POU6F2: variants seen among roughly 807,000 people sequenced by gnomAD.
The protein encoded by POU6F2 is POU class 6 homeobox 2.
A neutral mutation model predicts 71.3 loss-of-function variants in POU6F2; 31 were observed. The ratio of observed to expected loss-of-function variants is 0.43; its 90% CI spans 0.33 to 0.59. The LOEUF (loss-of-function observed/expected upper bound fraction) is 0.59, where lower values mean the gene tolerates loss of function less well. Among genes scored for constraint, POU6F2 ranks in the 20% least tolerant of loss-of-function variants. The pLI, the probability that POU6F2 is intolerant of heterozygous loss-of-function variation, is 0.04. For synonymous variants in POU6F2, 347 were observed against 355.7 expected (o/e 0.98, Z 0.27); for missense variants, 783 against 856.8 (o/e 0.91, Z 1.07).
At chr7:39,165,031 G>A (rs1237198915) in intron 2 of POU6F2, among the ~76,000 whole-genome samples, 1 of 152,010 alleles carries the variant, frequency 6.6e-6, no homozygotes, top group South Asian at 2.1e-4. Context: ...TTATGCAAAG[G>A]GTTTGTATTT....
At chr7:39,113,414 A>C (rs1397345152) in intron 2 of POU6F2, among the ~76,000 whole-genome samples, 5 of 152,160 alleles carry the variant, frequency 3.3e-5, no homozygotes, top group Non-Finnish European at 7.3e-5. Context: ...CACCAAGGGA[A>C]AAACAAACTT....
intron 5 of POU6F2, among the ~76,000 whole-genome samples, chr7:39,379,536 C>T (rs971303861): frequency 4.6e-5 from 7 of 152,142 alleles, no homozygotes; most frequent in Non-Finnish European, 8.8e-5. Context: ...AAGGGACAGG[C>T]ACAAATTATT....
intron 1 of POU6F2, among the ~76,000 whole-genome samples, chr7:39,084,620 G>A (rs919032731): frequency 1.3e-5 from 2 of 152,134 alleles, no homozygotes; most frequent in African/African-American, 4.8e-5. Flanking sequence ...CTAAAGAAGT[G>A]CATTTGATGA....
intron 4 of POU6F2, among the ~76,000 whole-genome samples, chr7:39,220,776 T>C (rs1230492471): frequency 6.6e-6 from 1 of 152,126 alleles, no homozygotes; most frequent in Non-Finnish European, 1.5e-5. Flanking sequence ...TGATACTATA[T>C]GGAACATACC....
At chr7:39,050,533 G>C (rs1476811876) in intron 1 of POU6F2, among the ~76,000 whole-genome samples, 1 of 152,132 alleles carries the variant, frequency 6.6e-6, no homozygotes, top group Non-Finnish European at 1.5e-5. Context: ...CTCTATGACT[G>C]TCTCATTTCC....
chr7:39,102,134 G>C (rs1791586902), intron 2 of POU6F2, among the ~76,000 whole-genome samples: 1 of 152,150 alleles, frequency 6.6e-6, no homozygotes, highest in Admixed American at 6.5e-5. Context: ...TTAGGTGAAA[G>C]GGCCAGGTGC....
At chr7:39,359,294 C>T (rs1239218327) in intron 5 of POU6F2, among the ~76,000 whole-genome samples, 1 of 152,172 alleles carries the variant, frequency 6.6e-6, no homozygotes, top group Non-Finnish European at 1.5e-5. Flanking sequence ...TTCTAAGCCT[C>T]ATTGTTGTTT....
chr7:39,372,683 C>G (rs368084309), intron 5 of POU6F2, among the ~76,000 whole-genome samples: 1 of 152,212 alleles, frequency 6.6e-6, no homozygotes, highest in African/African-American at 2.4e-5. Context: ...TCTAAGCACC[C>G]TGTGGCCCTG....
At chr7:39,026,948 A>G (rs959423698) in intron 1 of POU6F2, among the ~76,000 whole-genome samples, 2 of 152,060 alleles carry the variant, frequency 1.3e-5, no homozygotes, top group Non-Finnish European at 2.9e-5. Context: ...ACAGAAGTCA[A>G]GTGTCTCCTC....
rs940238797 is a variant in POU6F2, at chr7:39,277,807, C to T, written c.599-61835C>T. Among the ~76,000 whole-genome samples the T allele has an allele frequency of 1.2e-4, 19 of 152,030 alleles. 1 individual carries two copies. The highest frequency in any genetic ancestry group is 1.1e-3 in the Admixed American group (17 of 15,266). Reference sequence around the variant, plus strand: ...GGAGCGGTGGCTCACACCTGTAATCCCAGCACTTTGGGAGGCCATGGCGGG... The same window carrying T: ...GGAGCGGTGGCTCACACCTGTAATCTCAGCACTTTGGGAGGCCATGGCGGG... On this transcript the variant is annotated intron_variant, in intron 4 of 9. Coordinates refer to ENST00000518318, the MANE Select transcript of POU6F2 (RefSeq NM_001370959.1).
intron 2 of POU6F2, among the ~76,000 whole-genome samples, chr7:39,125,651 C>G (rs1792125535): frequency 1.3e-5 from 2 of 152,072 alleles, no homozygotes; most frequent in African/African-American, 4.8e-5. Context: ...GAGGAGGAAG[C>G]ATAAAGAAAG....
intron 1 of POU6F2, among the ~76,000 whole-genome samples, chr7:39,018,064 T>G (rs1270361935): frequency 1.4e-4 from 22 of 152,158 alleles, no homozygotes; most frequent in Non-Finnish European, 1.2e-4. Flanking sequence ...CCTAGCCTAT[T>G]GAAAAGTCCT....
chr7:39,224,126 C>T (rs1449752020), intron 4 of POU6F2, among the ~76,000 whole-genome samples: 1 of 152,102 alleles, frequency 6.6e-6, no homozygotes, highest in Non-Finnish European at 1.5e-5. Context: ...GTAGCCAGGT[C>T]ACCTCAAAAG....
intron 4 of POU6F2, among the ~76,000 whole-genome samples, chr7:39,310,144 C>T (rs1187224395): frequency 6.6e-6 from 1 of 151,996 alleles, no homozygotes; most frequent in Admixed American, 6.6e-5. Flanking sequence ...GTATATAGCC[C>T]CACAGTGCAA....
chr7:39,354,165 T>G (rs1406315386), intron 5 of POU6F2, among the ~76,000 whole-genome samples: 2 of 152,142 alleles, frequency 1.3e-5, no homozygotes, highest in Non-Finnish European at 2.9e-5. Flanking sequence ...AGAAATATTT[T>G]CTTTTCCAAG....
chr7:39,108,734 A>G (rs1791745361), intron 2 of POU6F2, among the ~76,000 whole-genome samples: 1 of 152,204 alleles, frequency 6.6e-6, no homozygotes, highest in Non-Finnish European at 1.5e-5. Flanking sequence ...TCTAGTTTTA[A>G]TGTTCTCTTT....
intron 4 of POU6F2, among the ~76,000 whole-genome samples, chr7:39,296,765 T>C (rs1055523857): frequency 1.3e-5 from 2 of 152,226 alleles, no homozygotes; most frequent in African/African-American, 4.8e-5. Context: ...TAACGTGTTT[T>C]CCCCTCTTGA....
At chr7:39,019,258 A>G (rs1002758225) in intron 1 of POU6F2, among the ~76,000 whole-genome samples, 1 of 152,198 alleles carries the variant, frequency 6.6e-6, no homozygotes, top group Non-Finnish European at 1.5e-5. Context: ...TTTTGAAGGC[A>G]CTGCTCTGAT....
chr7:39,264,017 C>T (rs1042220506), intron 4 of POU6F2, among the ~76,000 whole-genome samples: 1 of 152,180 alleles, frequency 6.6e-6, no homozygotes, highest in African/African-American at 2.4e-5. Flanking sequence ...TGCTCAATGG[C>T]AGGAAGGACT....
Sources: allele counts gnomAD v4.1 joint callset (sites outside exome capture counted in the v4.1 genomes callset), GRCh38; gene constraint gnomAD v4.1.1; transcripts MANE v1.5; gene names NCBI Gene and HGNC (gene_info 2026-07-23, HGNC 2026-07-21).